The following CAPS2 variants were observed in gnomAD, a reference collection of about 807,000 sequenced individuals.
CAPS2 encodes the protein calcyphosine 2, also known as calcyphosin-2.
In CAPS2, 98 loss-of-function variants were observed where a neutral mutation model predicts 86.5. The observed-to-expected ratio is 1.13, with a 90% CI of 0.96 to 1.34. The LOEUF (loss-of-function observed/expected upper bound fraction) is 1.34, where lower values mean the gene tolerates loss of function less well. Ranked by LOEUF, CAPS2 falls within the 40% of genes most tolerant of loss-of-function variation. CAPS2 has a pLI of 0.00. For missense variants in CAPS2, 729 were observed against 686.8 expected (o/e 1.06, Z -0.69); for synonymous variants, 210 against 225.1 (o/e 0.93, Z 0.60).
At chr12:75,299,383 C>A (rs1471949062) in intron 9 of CAPS2, among the ~76,000 whole-genome samples, 1 of 151,952 alleles carries the variant, frequency 6.6e-6, no homozygotes, top group Non-Finnish European at 1.5e-5. Context: ...CAGTAATATA[C>A]AAAGAACATC....
chr12:75,295,827 A>G lies in CAPS2; in HGVS notation c.1045-2460T>C, dbSNP rs138642474. On this transcript the variant is annotated intron_variant, in intron 11 of 16. Coordinates refer to ENST00000393284, the Ensembl canonical transcript of CAPS2. Reference sequence around the variant, plus strand: ...CAGATTTGGACTCTTTCAGTCTTTAATCTTTTAGATCTTCATAATAGAATA... The same window carrying G: ...CAGATTTGGACTCTTTCAGTCTTTAGTCTTTTAGATCTTCATAATAGAATA... Among the ~76,000 whole-genome samples, 222 of 152,346 alleles carry G rather than the reference A, an allele frequency of 1.5e-3. 3 individuals carry two copies. The highest frequency in any genetic ancestry group is 5.2e-3 in the African/African-American group (215 of 41,596).
intron 15 of CAPS2, among the ~76,000 whole-genome samples, chr12:75,284,564 C>G (rs1399206277): frequency 6.6e-6 from 1 of 152,022 alleles, no homozygotes. Flanking sequence ...ACTGGAACAG[C>G]CACAATGCTA....
chr12:75,332,263 C>T (rs2041382372), upstream of CAPS2, among the ~76,000 whole-genome samples: 1 of 152,070 alleles, frequency 6.6e-6, no homozygotes, highest in Admixed American at 6.5e-5. Context: ...AACCTTTATC[C>T]CTATTAACCT....
chr12:75,347,590 A>G lies in CAPS2; in HGVS notation c.-394-24368T>C, dbSNP rs778618340. 3.6e-6 allele frequency: 5 copies of G among 1,403,528 alleles called. No homozygotes were observed. The East Asian group carries it at 6.9e-5, about 19-fold the overall frequency. The allele number at this position is 1,403,528 out of a possible 1,614,324, so 86.9% of individuals were successfully genotyped here. A position where few individuals can be genotyped will look rare whatever the true frequency, so the allele number is the denominator to read the frequency against. On this transcript the variant is annotated intron_variant, in intron 1 of 5. Transcript: ENST00000551829. ...CATTGTTTGCATAGAATTGTTTTCC[A>G]TATTTTATCTTGACATTCCTTTTCT...
chr12:75,291,537 A>AAT (rs1781064406), intron 13 of CAPS2, among the ~76,000 whole-genome samples: 33 of 71,904 alleles, frequency 4.6e-4, no homozygotes, highest in Middle Eastern at 0.016. Context: ...TATTTTAAAA[A>AAT]GTATATATAT....
intron 7 of CAPS2, 72 bp from the exon 8 acceptor site, chr12:75,304,948 G>A: frequency 6.7e-7 from 1 of 1,488,688 alleles, no homozygotes; most frequent in South Asian, 1.2e-5. Flanking sequence ...ATATTTATAA[G>A]CAGTTCTAAA....
In CAPS2 at chr12:75,311,253, A is replaced by G. The variant is rs895791046; in HGVS notation, c.659+1595T>C. 2.0e-5 allele frequency among the ~76,000 whole-genome samples: 3 copies of G among 152,316 alleles called. No homozygotes were observed. In the East Asian group the frequency reaches 5.8e-4, roughly 29 times the overall value. ...TGAAATAATCCAGGAGACACACAAA[A>G]TAAGTTTGAACAGGATGGTGGCAGC... On this transcript the variant is annotated intron_variant, in intron 7 of 16. Coordinates refer to ENST00000393284, the Ensembl canonical transcript of CAPS2.
At chr12:75,355,747 A>T (rs2043115040) in intron 1 of CAPS2, among the ~76,000 whole-genome samples, 1 of 152,234 alleles carries the variant, frequency 6.6e-6, no homozygotes, top group African/African-American at 2.4e-5. Context: ...TCAATGACAG[A>T]CTGGATAAAG....
Position 75,367,742 on chromosome 12 carries a change from G to A in CAPS2, c.-395+23096C>T, listed in dbSNP as rs568959016. On this transcript the variant is annotated intron_variant, in intron 1 of 5. Coordinates refer to the CAPS2 transcript ENST00000551829. ...TATATGATGACAAATCATGTCTTCC[G>A]TTAAAAATAATGCGTTTTGTTCTTT... Among the ~76,000 whole-genome samples, 111 of 152,070 alleles carry A rather than the reference G, an allele frequency of 7.3e-4. 1 individual carries two copies. The highest frequency in any genetic ancestry group is 2.4e-3 in the African/African-American group (100 of 41,508).
At chr12:75,351,695 C>T (rs2042827188) in intron 1 of CAPS2, among the ~76,000 whole-genome samples, 1 of 151,930 alleles carries the variant, frequency 6.6e-6, no homozygotes, top group South Asian at 2.1e-4. Flanking sequence ...TAGAGGCGCT[C>T]CCCACCACAC....
At chr12:75,337,139 A>G (rs2041790452) in intron 1 of CAPS2, among the ~76,000 whole-genome samples, 1 of 151,890 alleles carries the variant, frequency 6.6e-6, no homozygotes, top group Non-Finnish European at 1.5e-5. Flanking sequence ...ATTTAAATGA[A>G]TATTTTAGGA....
intron 1 of CAPS2, among the ~76,000 whole-genome samples, chr12:75,347,128 AAT>A (rs2042507109): frequency 6.6e-6 from 1 of 151,906 alleles, no homozygotes; most frequent in Non-Finnish European, 1.5e-5. Flanking sequence ...AAATCAACTC[AAT>A]ATGTTTTTCA....
intron 7 of CAPS2, among the ~76,000 whole-genome samples, chr12:75,308,830 A>G (rs541104454): frequency 1.5e-3 from 208 of 141,982 alleles, no homozygotes; most frequent in African/African-American, 5.4e-3. Flanking sequence ...AAAAAAAATG[A>G]GTAAGGCGCT....
rs35112447 is a variant in CAPS2 at position 75,372,104 on chromosome 12, T to C, written c.-395+18734A>G. 4.7e-3 allele frequency among the ~76,000 whole-genome samples: 714 copies of C among 152,344 alleles called. 2 individuals are homozygous for C. Among genetic ancestry groups the C allele is most frequent in the Non-Finnish European group, 7.8e-3 (531 of 68,032 alleles). ...ATCTTGGCTCACTGCAACCTCCGCC[T>C]GCTGGGTTCAAGTAATTCTCCTGCC... On this transcript the variant is annotated intron_variant, in intron 1 of 5. Transcript: ENST00000551829.
In CAPS2 at chr12:75,388,183, T is replaced by C. The variant is rs192665810; in HGVS notation, c.-395+2655A>G. Among the ~76,000 whole-genome samples, 154 of 152,258 alleles carry C rather than the reference T, an allele frequency of 1.0e-3. 2 individuals are homozygous for C. Among genetic ancestry groups the C allele is most frequent in the Non-Finnish European group, 3.4e-4 (23 of 68,022 alleles). ...GATCTGATGGTTTTATAAAGAGTAG[T>C]TCCCCTGCACATGGTCTCTTGGCTG... On this transcript the variant is annotated intron_variant, in intron 1 of 5. Transcript: ENST00000551829.
chr12:75,353,551 A>T (rs1002714641), intron 1 of CAPS2, among the ~76,000 whole-genome samples: 94 of 152,322 alleles, frequency 6.2e-4, no homozygotes, highest in African/African-American at 2.2e-3. Context: ...TTTACAGCTG[A>T]ATTCTACCAG....
chr12:75,337,892 C>A (rs1487039789), intron 1 of CAPS2, among the ~76,000 whole-genome samples: 1 of 151,854 alleles, frequency 6.6e-6, no homozygotes, highest in African/African-American at 2.4e-5. Flanking sequence ...GACTTTGAAC[C>A]CAATATAAAT....
chr12:75,384,976 T>C (rs1172584354), intron 1 of CAPS2, among the ~76,000 whole-genome samples: 2 of 152,170 alleles, frequency 1.3e-5, no homozygotes, highest in Non-Finnish European at 2.9e-5. Context: ...CATAGATTAA[T>C]GGATTAATAG....
intron 1 of CAPS2, among the ~76,000 whole-genome samples, chr12:75,381,012 T>G (rs1288299527): frequency 6.6e-6 from 1 of 152,162 alleles, no homozygotes; most frequent in Non-Finnish European, 1.5e-5. Context: ...TATACTCAAT[T>G]TTATGGCTCA....
Sources: allele counts gnomAD v4.1 joint callset (sites outside exome capture counted in the v4.1 genomes callset), GRCh38; gene constraint gnomAD v4.1.1; transcripts MANE v1.5; gene names NCBI Gene and HGNC (gene_info 2026-07-23, HGNC 2026-07-21).